LHFPL3: variants seen among roughly 807,000 people sequenced by gnomAD.
LHFPL3 encodes LHFPL tetraspan subfamily member 3 protein.
A neutral mutation model predicts 19.3 loss-of-function variants in LHFPL3; 5 were observed. The ratio of observed to expected loss-of-function variants is 0.26; its 90% confidence interval spans 0.14 to 0.54. The LOEUF (loss-of-function observed/expected upper bound fraction) is 0.54. Ranked by LOEUF, LHFPL3 falls within the 20% of genes least tolerant of loss-of-function variation. The pLI is 0.94. For synonymous variants in LHFPL3, 133 were observed against 126.2 expected, an observed-to-expected ratio of 1.05 and a Z score of -0.36; for missense variants, 249 against 307.4, an observed-to-expected ratio of 0.81 and a Z score of 1.42.
Position 104,623,106 on chromosome 7 carries a change from C to T in LHFPL3, c.446-113569C>T, listed in dbSNP as rs562163562. On this transcript the variant is annotated intron_variant, in intron 1 of 2. Coordinates refer to ENST00000424859, the MANE Select transcript of LHFPL3 (RefSeq NM_199000.3). Reference sequence around the variant, plus strand: ...GAGAAATGCCTATTCAAGTCATTTGCCTATTTTTAAATTGTGTTATTTGAT... The same window carrying T: ...GAGAAATGCCTATTCAAGTCATTTGTCTATTTTTAAATTGTGTTATTTGAT... The T allele has an allele frequency of 1.6e-4, 33 of 209,278 alleles. 1 individual carries two copies. The highest frequency in any genetic ancestry group is 3.4e-4 in the South Asian group (6 of 17,690). The allele number at this position is 209,278 out of a possible 1,614,324, so 13.0% of individuals were successfully genotyped here.
Position 104,526,221 on chromosome 7 carries a change from A to G in LHFPL3, c.445+196997A>G, listed in dbSNP as rs566785019. ...AACTACCACCAGAAATTCTAAGTCA[A>G]CAGTTAGGAAAACCACATGGATTGG... On this transcript the variant is annotated intron_variant, in intron 1 of 2. Coordinates refer to ENST00000424859, the MANE Select transcript of LHFPL3 (RefSeq NM_199000.3). Among the ~76,000 whole-genome samples, 3 of 152,322 alleles carry G rather than the reference A, an allele frequency of 2.0e-5. 1 individual carries two copies. Among genetic ancestry groups the G allele is most frequent in the Admixed American group, 2.0e-4 (3 of 15,300 alleles).
chr7:104,506,258 A>C (rs1584366353), intron 1 of LHFPL3, among the ~76,000 whole-genome samples: 2 of 151,350 alleles, frequency 1.3e-5, no homozygotes, highest in South Asian at 2.1e-4. Flanking sequence ...CCCCCACCCA[A>C]CCCCACCGCC....
At chr7:104,781,568 T>C (rs1167318862) in intron 2 of LHFPL3, among the ~76,000 whole-genome samples, 5 of 152,138 alleles carry the variant, frequency 3.3e-5, no homozygotes, top group Non-Finnish European at 5.9e-5. Flanking sequence ...ATCTACTAAC[T>C]GTAAAATAAA....
intron 2 of LHFPL3, among the ~76,000 whole-genome samples, chr7:104,824,713 AT>A (rs1184581849): frequency 3.0e-5 from 3 of 100,984 alleles, no homozygotes; most frequent in Non-Finnish European, 5.4e-5. Context: ...TATATATATA[AT>A]TATATATATA....
At chr7:104,722,618 T>TA (rs896967771) in intron 1 of LHFPL3, among the ~76,000 whole-genome samples, 1 of 152,208 alleles carries the variant, frequency 6.6e-6, no homozygotes, top group African/African-American at 2.4e-5. Context: ...ATAAATATTA[T>TA]AGCTCAAGTT....
chr7:104,651,290 G>C (rs550857343), intron 1 of LHFPL3, among the ~76,000 whole-genome samples: 1 of 152,346 alleles, frequency 6.6e-6, no homozygotes, highest in South Asian at 2.1e-4. Context: ...ACAAAGGCTT[G>C]ATTGTCTGGA....
chr7:104,888,737 A>C (rs190766386), intron 2 of LHFPL3, among the ~76,000 whole-genome samples: 5 of 152,346 alleles, frequency 3.3e-5, no homozygotes. Flanking sequence ...CACATGTGTC[A>C]ACAATGCATG....
chr7:104,396,376 C>A (rs1411000796), intron 1 of LHFPL3, among the ~76,000 whole-genome samples: 3 of 151,988 alleles, frequency 2.0e-5, no homozygotes, highest in Non-Finnish European at 4.4e-5. Flanking sequence ...ACATGAAAGC[C>A]CAGAGATGAA....
intron 1 of LHFPL3, among the ~76,000 whole-genome samples, chr7:104,728,986 G>A (rs1793639539): frequency 6.6e-6 from 1 of 152,068 alleles, no homozygotes; most frequent in Non-Finnish European, 1.5e-5. Flanking sequence ...AGACAACATG[G>A]CTACTTTTCT....
chr7:104,572,941 A>G (rs780342400), intron 1 of LHFPL3, among the ~76,000 whole-genome samples: 2 of 152,234 alleles, frequency 1.3e-5, no homozygotes, highest in Non-Finnish European at 2.9e-5. Context: ...GTCTAAAAGG[A>G]CAGCTTTTGA....
At chr7:104,780,862 A>C (rs999023131) in intron 2 of LHFPL3, among the ~76,000 whole-genome samples, 4 of 152,142 alleles carry the variant, frequency 2.6e-5, no homozygotes, top group Admixed American at 2.0e-4. Context: ...AAAAACCAAA[A>C]CTGGATATCC....
chr7:104,331,714 C>T (rs1584591059), intron 1 of LHFPL3, among the ~76,000 whole-genome samples: 1 of 152,216 alleles, frequency 6.6e-6, no homozygotes, highest in African/African-American at 2.4e-5. Context: ...CTTTGGGAGG[C>T]TGAGGTAGGT....
chr7:104,880,934 G>C (rs1301050253), intron 2 of LHFPL3, among the ~76,000 whole-genome samples: 1 of 152,120 alleles, frequency 6.6e-6, no homozygotes, highest in Non-Finnish European at 1.5e-5. Flanking sequence ...ACTTTGGGAG[G>C]CCAAGGCGGG....
At chr7:104,445,216 T>G (rs1335678022) in intron 1 of LHFPL3, among the ~76,000 whole-genome samples, 1 of 152,206 alleles carries the variant, frequency 6.6e-6, no homozygotes, top group Non-Finnish European at 1.5e-5. Flanking sequence ...CCTTATGTTA[T>G]GAAAACAGAT....
At chr7:104,794,308 C>T (rs1157195155) in intron 2 of LHFPL3, among the ~76,000 whole-genome samples, 2 of 152,110 alleles carry the variant, frequency 1.3e-5, no homozygotes, top group African/African-American at 4.8e-5. Flanking sequence ...GAATGCATAG[C>T]GTTGGTATTC....
At chr7:104,711,879 T>C (rs56095422) in intron 1 of LHFPL3, among the ~76,000 whole-genome samples, 1,784 of 152,224 alleles carry the variant, frequency 0.012, 18 homozygotes, top group Non-Finnish European at 0.018. Flanking sequence ...CCACAGTAAC[T>C]ACAAATTAGA....
At chr7:104,482,639 C>T (rs955246756) in intron 1 of LHFPL3, among the ~76,000 whole-genome samples, 7 of 152,204 alleles carry the variant, frequency 4.6e-5, no homozygotes, top group African/African-American at 1.7e-4. Flanking sequence ...CTGCCTTTCT[C>T]GGTTTTGCTT....
intron 1 of LHFPL3, among the ~76,000 whole-genome samples, chr7:104,442,649 G>A (rs1410514259): frequency 1.3e-5 from 2 of 152,178 alleles, no homozygotes; most frequent in African/African-American, 4.8e-5. Flanking sequence ...CAGCCAGATG[G>A]TTCTGCAGGC....
intron 2 of LHFPL3, among the ~76,000 whole-genome samples, chr7:104,829,459 T>C (rs1367298038): frequency 1.3e-5 from 2 of 151,818 alleles, no homozygotes; most frequent in Admixed American, 6.6e-5. Context: ...TAGGTATATC[T>C]CCTAATGCTA....
Sources: gnomAD v4.1 joint callset for allele counts (sites outside exome capture counted in the v4.1 genomes callset) on GRCh38, gnomAD v4.1.1 for gene constraint, MANE v1.5 for transcripts, NCBI Gene and HGNC (gene_info 2026-07-23, HGNC 2026-07-21) for gene names.